The following IL7 variants were observed in gnomAD, a reference collection of about 807,000 sequenced individuals.
IL7 encodes interleukin-7.
Under a neutral mutation model 21.6 loss-of-function variants are expected in IL7, and 3 were observed. The observed-to-expected ratio is 0.14, with a 90% CI of 0.06 to 0.36. IL7 has a LOEUF of 0.36. Among genes scored for constraint, IL7 ranks in the 10% least tolerant of loss-of-function variants. IL7 has a pLI of 1.00. For missense variants in IL7, 175 were observed against 200.2 expected (o/e 0.87, Z 0.76); for synonymous variants, 62 against 68.1 (o/e 0.91, Z 0.44).
chr8:78,707,999 G>A (rs1810831016), intron 3 of IL7, among the ~76,000 whole-genome samples: 1 of 151,874 alleles, frequency 6.6e-6, no homozygotes, highest in Non-Finnish European at 1.5e-5. Context: ...AAAATTTTTG[G>A]TTAAGTGAAA....
chr8:78,774,731 T>C (rs756584347), intron 2 of IL7, among the ~76,000 whole-genome samples: 1 of 152,142 alleles, frequency 6.6e-6, no homozygotes, highest in Non-Finnish European at 1.5e-5. Flanking sequence ...GTAGAGAACA[T>C]TAGGACATAA....
intron 3 of IL7, among the ~76,000 whole-genome samples, chr8:78,687,805 CATGTAATAAA>C (rs1563627045): frequency 5.3e-5 from 7 of 131,118 alleles, no homozygotes; most frequent in African/African-American, 1.7e-4. Flanking sequence ...TATATATATT[CATGTAATAAA>C]TATATATATT....
intron 2 of IL7, among the ~76,000 whole-genome samples, chr8:78,745,316 G>A (rs572436820): frequency 7.2e-5 from 11 of 152,240 alleles, no homozygotes; most frequent in South Asian, 4.1e-4. Flanking sequence ...GTGTACACAC[G>A]TATATATACA....
intron 4 of IL7, chr8:78,685,740 A>G (rs1458702557): frequency 2.0e-5 from 3 of 152,228 alleles, no homozygotes; most frequent in African/African-American, 4.8e-5. Flanking sequence ...CATATTTCTA[A>G]TCGGTTCAAA....
At chr8:78,688,638 A>G (rs961423591) in intron 3 of IL7, among the ~76,000 whole-genome samples, 1 of 152,090 alleles carries the variant, frequency 6.6e-6, no homozygotes, top group Admixed American at 6.6e-5. Context: ...GCATTTTGGG[A>G]AGATATTTTA....
chr8:78,715,356 C>G, downstream of IL7: 4 of 1,569,962 alleles, frequency 2.5e-6, no homozygotes, highest in Non-Finnish European at 2.6e-6. Flanking sequence ...CTCCCAATAA[C>G]TAAAATAAAA....
intron 2 of IL7, among the ~76,000 whole-genome samples, chr8:78,752,280 GA>G (rs1422701127): frequency 6.6e-6 from 1 of 152,012 alleles, no homozygotes; most frequent in Non-Finnish European, 1.5e-5. Context: ...CTTTCCTTTG[GA>G]TAACTGCTTG....
intron 2 of IL7, among the ~76,000 whole-genome samples, chr8:78,742,757 G>A (rs1282926627): frequency 1.3e-5 from 2 of 151,970 alleles, no homozygotes; most frequent in African/African-American, 4.8e-5. Flanking sequence ...AAGTCCAGGG[G>A]TACAAGTGCA....
intron 5 of IL7, chr8:78,719,294 G>A (rs1170858493): frequency 6.6e-6 from 1 of 151,468 alleles, no homozygotes; most frequent in Non-Finnish European, 1.5e-5. Context: ...TAAATAATTG[G>A]CACACATTTG....
chr8:78,727,748 T>A (rs1811362844), intron 3 of IL7, among the ~76,000 whole-genome samples: 1 of 151,910 alleles, frequency 6.6e-6, no homozygotes, highest in South Asian at 2.1e-4. Flanking sequence ...GTTGACAACA[T>A]CTTGGCTGGG....
chr8:78,781,286 T>C (rs1813321612), intron 2 of IL7, among the ~76,000 whole-genome samples: 1 of 152,212 alleles, frequency 6.6e-6, no homozygotes, highest in Admixed American at 6.5e-5. Context: ...TTTTACAGAC[T>C]TGTTGATGTA....
intron 2 of IL7, among the ~76,000 whole-genome samples, chr8:78,788,531 C>A (rs1813585419): frequency 6.6e-6 from 1 of 151,654 alleles, no homozygotes; most frequent in Non-Finnish European, 1.5e-5. Context: ...GGGAATTTTC[C>A]ACCTATTTTT....
chr8:78,761,323 C>G, intron 2 of IL7: 2 of 1,611,612 alleles, frequency 1.2e-6, no homozygotes, highest in Non-Finnish European at 1.7e-6. Context: ...CTGATTTTGC[C>G]AACCACATAT....
chr8:78,687,808 G>T (rs1231782403), intron 3 of IL7, among the ~76,000 whole-genome samples: 7 of 132,248 alleles, frequency 5.3e-5, no homozygotes, highest in African/African-American at 2.0e-4. Context: ...ATATATTCAT[G>T]TAATAAATAT....
intron 2 of IL7, among the ~76,000 whole-genome samples, chr8:78,759,237 A>G (rs989168472): frequency 6.1e-5 from 9 of 148,254 alleles, no homozygotes; most frequent in African/African-American, 2.2e-4. Context: ...TTAGCTTTAA[A>G]CAAAACTCAC....
intron 5 of IL7, among the ~76,000 whole-genome samples, chr8:78,720,537 A>G (rs1300656812): frequency 6.6e-6 from 1 of 151,866 alleles, no homozygotes; most frequent in Non-Finnish European, 1.5e-5. Flanking sequence ...TTATTTCATA[A>G]TATTACGGCC....
At chr8:78,739,796 C>CA (rs34571033) in intron 3 of IL7, among the ~76,000 whole-genome samples, 7,942 of 150,700 alleles carry the variant, frequency 0.053, 294 homozygotes, top group Middle Eastern at 0.089. Flanking sequence ...AATGGTGAAA[C>CA]AAAAAAAACT....
intron 2 of IL7, chr8:78,760,367 A>G: frequency 6.2e-7 from 1 of 1,610,846 alleles, no homozygotes; most frequent in Non-Finnish European, 8.5e-7. Flanking sequence ...TCATCACAGA[A>G]GAATACACAG....
intron 3 of IL7, among the ~76,000 whole-genome samples, chr8:78,724,892 C>G (rs1160930073): frequency 6.6e-6 from 1 of 151,946 alleles, no homozygotes; most frequent in Non-Finnish European, 1.5e-5. Context: ...TTTATTGGCT[C>G]AGATACCATA....
Sources: allele counts gnomAD v4.1 joint callset (sites outside exome capture counted in the v4.1 genomes callset), GRCh38; gene constraint gnomAD v4.1.1; transcripts MANE v1.5; gene names NCBI Gene and HGNC (gene_info 2026-07-23, HGNC 2026-07-21).